The following MID2 variants were observed in gnomAD, a reference collection of about 807,000 sequenced individuals.
MID2 encodes the protein probable E3 ubiquitin-protein ligase MID2.
A neutral mutation model predicts 46.1 loss-of-function variants in MID2; 13 were observed. That is an observed-to-expected ratio of 0.28 (90% confidence interval 0.18 to 0.45). The LOEUF is 0.45. Among genes scored for constraint, MID2 ranks in the 20% least tolerant of loss-of-function variants. MID2 has a pLI of 1.00. For missense variants in MID2, 431 were observed against 575.4 expected (o/e 0.75, Z 2.57); for synonymous variants, 199 against 212.3 (o/e 0.94, Z 0.55).
At chrX:107,864,494 A>G (rs1472860665) in intron 3 of MID2, among the ~76,000 whole-genome samples, 2 of 111,338 alleles carry the variant, frequency 1.8e-5, no homozygotes, top group African/African-American at 6.5e-5. Context: ...GTCCTCAGCC[A>G]TAGAGTTTAC....
chrX:107,862,834 A>T (rs1470852727), intron 3 of MID2, among the ~76,000 whole-genome samples: 3 of 112,204 alleles, frequency 2.7e-5, no homozygotes, highest in African/African-American at 9.7e-5. Context: ...GAGCAAGGGG[A>T]GCAGACTTAA....
intron 3 of MID2, among the ~76,000 whole-genome samples, chrX:107,860,128 G>A (rs1931825362): frequency 9.0e-6 from 1 of 111,623 alleles, no homozygotes; most frequent in Non-Finnish European, 1.9e-5. Flanking sequence ...CTGATCCAGG[G>A]AGAGATGAAG....
intron 3 of MID2, among the ~76,000 whole-genome samples, chrX:107,878,349 G>A (rs757559994): frequency 4.0e-5 from 4 of 100,415 alleles, no homozygotes; most frequent in Admixed American, 1.1e-4. Context: ...AACTCACTGC[G>A]TGCCATGCAT....
At chrX:107,826,522 C>G (rs1448600311) in intron 1 of MID2, 92 bp downstream of exon 1, 2 of 1,023,856 alleles carry the variant, frequency 2.0e-6, no homozygotes, top group African/African-American at 4.0e-5. Flanking sequence ...TCAGGTGCCG[C>G]CGGGGCCCGG....
chrX:107,868,235 A>G (rs1169999944), intron 3 of MID2, among the ~76,000 whole-genome samples: 1 of 111,947 alleles, frequency 8.9e-6, no homozygotes, highest in African/African-American at 3.2e-5. Context: ...AGTGTGCTAG[A>G]ACTCTCAGAA....
intron 3 of MID2, among the ~76,000 whole-genome samples, chrX:107,883,397 T>A (rs776297092): frequency 6.8e-4 from 76 of 111,443 alleles, no homozygotes; most frequent in African/African-American, 2.4e-3. Flanking sequence ...ATCAAACAAG[T>A]ATAGAAAAAT....
chrX:107,918,550 C>A (rs899813015), intron 7 of MID2, among the ~76,000 whole-genome samples: 11 of 111,959 alleles, frequency 9.8e-5, no homozygotes, highest in Admixed American at 9.5e-4. Flanking sequence ...AAATAGGCTT[C>A]CTTTTCCTGT....
intron 2 of MID2, among the ~76,000 whole-genome samples, chrX:107,848,606 G>A (rs1947737619): frequency 9.0e-6 from 1 of 111,296 alleles, no homozygotes; most frequent in Admixed American, 9.6e-5. Context: ...CTGAAGTAGA[G>A]TAGACCTATA....
chrX:107,833,437 T>TTA (rs1301663728), intron 1 of MID2, among the ~76,000 whole-genome samples: 11 of 107,687 alleles, frequency 1.0e-4, no homozygotes, highest in African/African-American at 3.4e-4. Context: ...ATATTTTTTT[T>TTA]AAAAACCTAC....
intron 3 of MID2, among the ~76,000 whole-genome samples, chrX:107,880,600 G>T (rs1486223788): frequency 8.9e-6 from 1 of 111,958 alleles, no homozygotes; most frequent in Non-Finnish European, 1.9e-5. Context: ...ATCTCAAAAG[G>T]CCAATCTTAG....
At chrX:107,905,028 C>T (rs1332874173) in intron 4 of MID2, among the ~76,000 whole-genome samples, 3 of 110,922 alleles carry the variant, frequency 2.7e-5, no homozygotes, top group African/African-American at 6.6e-5. Flanking sequence ...TGTAGATACT[C>T]ATAAAGAAAA....
chrX:107,896,966 A>G (rs1298470350), intron 3 of MID2, among the ~76,000 whole-genome samples: 4 of 111,850 alleles, frequency 3.6e-5, no homozygotes, highest in African/African-American at 1.3e-4. Flanking sequence ...TTTCTTCTAT[A>G]GAATGGGAAT....
chrX:107,903,980 C>G lies in MID2; in HGVS notation c.839C>G (p.Ala280Gly). Residue 280 changes from alanine to glycine, a missense_variant, in exon 4 of 10, where the codon GCA becomes GGA. Transcript: ENST00000262843. Reference sequence around the variant, plus strand: ...CAGGTGAATACTGCTATGCATGAGGCAAAACTTATGGAAGAATGTGACGAG... The same window carrying G: ...CAGGTGAATACTGCTATGCATGAGGGAAAACTTATGGAAGAATGTGACGAG... ...QVEVNTAMHEAKLMEECDELV... is the reference protein window; with the variant it reads ...QVEVNTAMHEGKLMEECDELV... 3 of 1,207,451 alleles carry G rather than the reference C, an allele frequency of 2.5e-6. No individual in the cohort carries two copies. Among genetic ancestry groups the G allele is most frequent in the Non-Finnish European group, 3.4e-6 (3 of 891,832 alleles).
chrX:107,927,184 T>C lies in MID2; in HGVS notation c.*111T>C, dbSNP rs1933197211. 3.0e-6 allele frequency: 2 copies of C among 665,394 alleles called. No individual in the cohort carries two copies. Among genetic ancestry groups the C allele is most frequent in the South Asian group, 8.4e-5 (2 of 23,887 alleles). The allele number at this position is 665,394 out of a possible 1,213,427, so 54.8% of individuals were successfully genotyped here. ...CACAAAATAAAGTTTGTTTGAAGCATCCAAAATAACTAGATATTGCAGATT... is the reference window on the plus strand; with the variant it reads ...CACAAAATAAAGTTTGTTTGAAGCACCCAAAATAACTAGATATTGCAGATT... On this transcript the variant is annotated 3_prime_UTR_variant, in exon 10 of 10. Transcript: ENST00000262843.
intron 3 of MID2, among the ~76,000 whole-genome samples, chrX:107,898,022 C>G (rs73533425): frequency 0.019 from 2,066 of 111,341 alleles, 52 homozygotes; most frequent in African/African-American, 0.063. Context: ...TATGGAGTCT[C>G]AGAAGGTGGG....
intron 3 of MID2, among the ~76,000 whole-genome samples, chrX:107,854,946 T>C (rs748927950): frequency 8.9e-6 from 1 of 111,748 alleles, no homozygotes; most frequent in East Asian, 2.8e-4. Flanking sequence ...CAACCTATTC[T>C]CCTTTCCAAA....
At chrX:107,851,600 G>A (rs951666414) in intron 2 of MID2, among the ~76,000 whole-genome samples, 1 of 110,300 alleles carries the variant, frequency 9.1e-6, no homozygotes, top group African/African-American at 3.3e-5. Flanking sequence ...CCTAAATGCA[G>A]CCCTGATTAT....
chrX:107,875,718 T>A (rs1427034732), intron 3 of MID2, among the ~76,000 whole-genome samples: 1 of 111,329 alleles, frequency 9.0e-6, no homozygotes, highest in Non-Finnish European at 1.9e-5. Flanking sequence ...ACAACAAGTC[T>A]CCCCAGCTAC....
chrX:107,895,223 G>A (rs1026386114), intron 3 of MID2: 5 of 106,998 alleles, frequency 4.7e-5, no homozygotes, highest in Non-Finnish European at 7.7e-5. Flanking sequence ...TTTGGGGGGG[G>A]GGTGGATAGT....
Sources: allele counts gnomAD v4.1 joint callset (sites outside exome capture counted in the v4.1 genomes callset), GRCh38; gene constraint gnomAD v4.1.1; transcripts MANE v1.5; gene names NCBI Gene and HGNC (gene_info 2026-07-23, HGNC 2026-07-21).